Variants in MAP2K6 observed in about 807,000 individuals in gnomAD.
MAP2K6 encodes mitogen-activated protein kinase kinase 6, also known as dual specificity mitogen-activated protein kinase kinase 6.
MAP2K6 carries 16 observed loss-of-function variants against 53.7 expected under a neutral mutation model. The ratio of observed to expected loss-of-function variants is 0.30; its 90% CI spans 0.20 to 0.45. The LOEUF is 0.45. Among genes scored for constraint, MAP2K6 ranks in the 20% least tolerant of loss-of-function variants. The pLI, the probability that MAP2K6 is intolerant of heterozygous loss-of-function variation, is 1.00. For synonymous variants in MAP2K6, 132 were observed against 143.1 expected, an observed-to-expected ratio of 0.92 and a Z score of 0.55; for missense variants, 204 against 411.9, an observed-to-expected ratio of 0.50 and a Z score of 4.37.
chr17:69,433,062 A>G, intron 1 of MAP2K6: 1 of 152,256 alleles, frequency 6.6e-6, no homozygotes. Context: ...AGTGACAAGT[A>G]CAAGCTTAAT....
chr17:69,447,336 AT>A (rs1266110506), intron 1 of MAP2K6, among the ~76,000 whole-genome samples: 5 of 151,580 alleles, frequency 3.3e-5, no homozygotes, highest in African/African-American at 1.2e-4. Context: ...TGGGAATTGG[AT>A]TTTTTTAATG....
chr17:69,464,062 G>T (rs1907717386), intron 1 of MAP2K6, among the ~76,000 whole-genome samples: 1 of 152,028 alleles, frequency 6.6e-6, no homozygotes, highest in African/African-American at 2.4e-5. Flanking sequence ...TTAAAATATT[G>T]TATGTTTTTA....
At chr17:69,432,754 C>A (rs980043191) in intron 1 of MAP2K6, among the ~76,000 whole-genome samples, 1 of 150,030 alleles carries the variant, frequency 6.7e-6, no homozygotes, top group Non-Finnish European at 1.5e-5. Context: ...CCATTGCACA[C>A]GTTTACCTAT....
intron 1 of MAP2K6, among the ~76,000 whole-genome samples, chr17:69,486,763 C>G (rs1908554349): frequency 1.3e-5 from 2 of 148,484 alleles, no homozygotes; most frequent in South Asian, 4.2e-4. Context: ...TCCAAACCCC[C>G]TGCTTAGGGA....
intron 10 of MAP2K6, among the ~76,000 whole-genome samples, chr17:69,529,677 A>AT (rs367876465): frequency 0.011 from 1,693 of 151,712 alleles, 30 homozygotes; most frequent in African/African-American, 0.039. Context: ...CGCCCGGCTA[A>AT]TTTTTTGTAT....
chr17:69,452,082 A>G (rs1907249218), intron 1 of MAP2K6, among the ~76,000 whole-genome samples: 1 of 152,012 alleles, frequency 6.6e-6, no homozygotes, highest in Non-Finnish European at 1.5e-5. Flanking sequence ...GGTAGAGTCT[A>G]TGGACAAGTT....
chr17:69,420,403 A>AAAT (rs1424516515), intron 1 of MAP2K6, among the ~76,000 whole-genome samples: 1 of 152,238 alleles, frequency 6.6e-6, no homozygotes, highest in East Asian at 1.9e-4. Context: ...TTGTTAAAAT[A>AAAT]ATTAAGTCTA....
chr17:69,536,272 A>G, intron 11 of MAP2K6, 112 bp downstream of exon 11: 2 of 755,294 alleles, frequency 2.6e-6, no homozygotes, highest in South Asian at 1.6e-5. Flanking sequence ...GTTCATTGAT[A>G]CATCAGTGAC....
intron 1 of MAP2K6, among the ~76,000 whole-genome samples, chr17:69,447,622 A>G (rs1907016472): frequency 6.6e-6 from 1 of 152,252 alleles, no homozygotes; most frequent in African/African-American, 2.4e-5. Flanking sequence ...CTGGGATTAC[A>G]GGCGTGAGCC....
Position 69,415,001 on chromosome 17 carries a change from G to C in MAP2K6, c.16+1G>C. 6.4e-7 allele frequency: 1 copy of C among 1,552,072 alleles called. No individual in the cohort carries two copies. The highest frequency in any genetic ancestry group is 8.9e-7 in the Non-Finnish European group (1 of 1,123,540). On this transcript the variant is annotated splice_donor_variant, in intron 1 of 11. Transcript: ENST00000590474. LOFTEE classifies it high-confidence loss of function. ...AAGGGGAAAATGTCTCAGTCGAAAG[G>C]TAAGAGGCTGTTTGCATTAGTTGCA...
chr17:69,423,431 C>T (rs539199146), intron 1 of MAP2K6, among the ~76,000 whole-genome samples: 9 of 152,242 alleles, frequency 5.9e-5, no homozygotes, highest in Admixed American at 5.2e-4. Context: ...TCCCACAAAG[C>T]CAAAAATATT....
At chr17:69,453,834 T>G (rs1028267144) in intron 1 of MAP2K6, among the ~76,000 whole-genome samples, 1 of 152,208 alleles carries the variant, frequency 6.6e-6, no homozygotes, top group Admixed American at 6.5e-5. Flanking sequence ...AGGCTGAGTT[T>G]GGAACAATTA....
chr17:69,474,488 G>C (rs913208811), intron 1 of MAP2K6, among the ~76,000 whole-genome samples: 2 of 152,164 alleles, frequency 1.3e-5, no homozygotes, highest in Non-Finnish European at 2.9e-5. Context: ...AACAGCAGTT[G>C]TCTGCCTGGC....
chr17:69,422,635 C>T (rs1906129094), intron 1 of MAP2K6, among the ~76,000 whole-genome samples: 1 of 152,242 alleles, frequency 6.6e-6, no homozygotes, highest in African/African-American at 2.4e-5. Flanking sequence ...AGGCTGTTGT[C>T]ATCATCACTT....
intron 1 of MAP2K6, among the ~76,000 whole-genome samples, chr17:69,422,161 T>G (rs978886199): frequency 7.0e-6 from 1 of 142,810 alleles, no homozygotes; most frequent in Non-Finnish European, 1.5e-5. Flanking sequence ...AGATGGGGTC[T>G]TGCTCTGTCA....
chr17:69,438,202 G>A (rs901234975), intron 1 of MAP2K6, among the ~76,000 whole-genome samples: 9 of 152,198 alleles, frequency 5.9e-5, no homozygotes, highest in African/African-American at 2.2e-4. Flanking sequence ...ATAGCTATGG[G>A]ACTGGAAAAA....
rs934354282 is a variant in MAP2K6 at position 69,547,378 on chromosome 17, T to C, written c.*5625T>C. ...CTGTCACAGTTACTCAGCTCTGCTG[T>C]TGTATCATGAAAGCATCTATACGCA... On this transcript the variant is annotated 3_prime_UTR_variant, in exon 12 of 12. Transcript: ENST00000590474. 22 of 152,258 alleles carry C rather than the reference T, an allele frequency of 1.4e-4. No individual in the cohort carries two copies. The highest frequency in any genetic ancestry group is 5.3e-4 in the African/African-American group (22 of 41,472). 9.4% of individuals were successfully genotyped at this position (152,258 alleles called of 1,614,324 possible).
rs577547838 is a variant in MAP2K6 at position 69,487,852 on chromosome 17, T to C, written c.17-17928T>C. On this transcript the variant is annotated intron_variant, in intron 1 of 11. Transcript: ENST00000590474. Reference sequence around the variant, plus strand: ...GAGAATTTCCATCAATAATATTTACTTAAAATCAATCCAATAAAAACCTAC... The same window carrying C: ...GAGAATTTCCATCAATAATATTTACCTAAAATCAATCCAATAAAAACCTAC... Among the ~76,000 whole-genome samples the C allele has an allele frequency of 7.2e-5, 11 of 152,346 alleles. No individual in the cohort carries two copies. The South Asian group carries it at 2.1e-3, about 29-fold the overall frequency.
At chr17:69,449,531 G>GTCTT (rs1229807133) in intron 1 of MAP2K6, among the ~76,000 whole-genome samples, 1,093 of 103,328 alleles carry the variant, frequency 0.011, 24 homozygotes, top group African/African-American at 0.039. Context: ...TTCTTTCTTT[G>GTCTT]TCTTTCTTTC....
Sources: allele counts gnomAD v4.1 joint callset (sites outside exome capture counted in the v4.1 genomes callset), GRCh38; gene constraint gnomAD v4.1.1; transcripts MANE v1.5; gene names NCBI Gene and HGNC (gene_info 2026-07-23, HGNC 2026-07-21).